COG7: variants seen among roughly 807,000 people sequenced by gnomAD.
COG7 encodes component of oligomeric golgi complex 7, also known as conserved oligomeric Golgi complex subunit 7.
COG7 carries 49 observed loss-of-function variants against 91.5 expected under a neutral mutation model. The ratio of observed to expected loss-of-function variants is 0.54; its 90% confidence interval spans 0.43 to 0.68. COG7 has a LOEUF of 0.68. Among genes scored for constraint, COG7 ranks in the 30% least tolerant of loss-of-function variants. The pLI, the probability that COG7 is intolerant of heterozygous loss-of-function variation, is 0.00. For missense variants in COG7, 895 were observed against 961.3 expected, an observed-to-expected ratio of 0.93 and a Z score of 0.91; for synonymous variants, 365 against 388.7, an observed-to-expected ratio of 0.94 and a Z score of 0.72.
intron 13 of COG7, 21 bp downstream of exon 13, chr16:23,403,673 T>C (rs936906593): frequency 1.1e-5 from 17 of 1,613,670 alleles, no homozygotes; most frequent in East Asian, 2.2e-5. Flanking sequence ...GAAAAATTGA[T>C]GTGGTCAGTG....
At position 23,434,726 on chromosome 16, in the gene COG7, A is replaced by G; in HGVS notation, c.605-8T>C. 4 of 1,595,446 alleles carry G rather than the reference A, an allele frequency of 2.5e-6. No homozygotes were observed. The Middle Eastern group carries it at 5.0e-4, about 199-fold the overall frequency. On this transcript the variant is annotated splice_polypyrimidine_tract_variant and splice_region_variant and intron_variant, in intron 4 of 16. Coordinates refer to ENST00000307149, the MANE Select transcript of COG7 (RefSeq NM_153603.4). ...CAAACACTTTGGACTGATCTAAAGAACATACAATGTATATATACTGTTACC... is the reference window on the plus strand; with the variant it reads ...CAAACACTTTGGACTGATCTAAAGAGCATACAATGTATATATACTGTTACC...
intron 11 of COG7, among the ~76,000 whole-genome samples, chr16:23,408,874 A>G (rs1370031008): frequency 2.6e-5 from 4 of 151,674 alleles, no homozygotes; most frequent in Non-Finnish European, 5.9e-5. Flanking sequence ...CAATAGATAA[A>G]AGATGGGCCT....
At chr16:23,442,116 C>G (rs1449059393) in intron 4 of COG7, among the ~76,000 whole-genome samples, 1 of 151,942 alleles carries the variant, frequency 6.6e-6, no homozygotes, top group Non-Finnish European at 1.5e-5. Context: ...AGGGGATCAC[C>G]TGAGGTCAGG....
chr16:23,405,053 T>G (rs1963437420), intron 12 of COG7, among the ~76,000 whole-genome samples: 1 of 152,166 alleles, frequency 6.6e-6, no homozygotes, highest in African/African-American at 2.4e-5. Context: ...ACGGTCTTCT[T>G]ATGACCCTGG....
chr16:23,402,597 C>A (rs187273168), intron 13 of COG7, among the ~76,000 whole-genome samples: 1 of 152,162 alleles, frequency 6.6e-6, no homozygotes, highest in Non-Finnish European at 1.5e-5. Flanking sequence ...GATGAGGAAA[C>A]GGAGGCTCAC....
chr16:23,425,010 T>TA, intron 6 of COG7, 63 bp from the exon 7 acceptor site: 1 of 1,465,696 alleles, frequency 6.8e-7, no homozygotes. Context: ...CCACCTTTTT[T>TA]AAAAAACTTT....
In COG7 at chr16:23,393,321, G is replaced by A. The variant is rs111414595; in HGVS notation, c.1914C>T (p.Pro638=). The A allele has an allele frequency of 2.0e-5, 33 of 1,613,988 alleles. No individual in the cohort carries two copies. Among genetic ancestry groups the A allele is most frequent in the African/African-American group, 2.7e-5 (2 of 74,920 alleles). The change falls in exon 15 of 17, where the codon CCC becomes CCT. Residue 638 remains proline, a synonymous_variant. Transcript: ENST00000307149. ...GAGTCACAAATGGCTCAAGATTCAG[G>A]GGGAGGGACATGATGTACTGCCCGA... The part of the protein sequence containing the change: ...SNIGQYIMSL[P]LNLEPFVTQE...
chr16:23,393,680 C>T, intron 14 of COG7: 1 of 332,088 alleles, frequency 3.0e-6, no homozygotes, highest in Non-Finnish European at 5.8e-6. Context: ...AGTATTATTA[C>T]TGTTCATAGG....
chr16:23,433,478 C>T (rs747856429), intron 6 of COG7, 67 bp downstream of exon 6: 11 of 1,605,092 alleles, frequency 6.9e-6, no homozygotes, highest in African/African-American at 2.7e-5. Context: ...TGGCCACTCC[C>T]GAGGCAGTCA....
intron 1 of COG7, among the ~76,000 whole-genome samples, chr16:23,447,880 C>G (rs1410037638): frequency 6.6e-6 from 1 of 151,782 alleles, no homozygotes. Context: ...AGCCTGGCAA[C>G]AGAGTGAGAC....
At chr16:23,403,630 ACT>A in intron 13 of COG7, 62 bp downstream of exon 13, 1 of 1,597,920 alleles carries the variant, frequency 6.3e-7, no homozygotes, top group East Asian at 2.2e-5. Flanking sequence ...TTAAGCCCAC[ACT>A]CAGTATGCTT....
At chr16:23,389,600 G>C (rs1963156690) in intron 16 of COG7, among the ~76,000 whole-genome samples, 1 of 152,172 alleles carries the variant, frequency 6.6e-6, no homozygotes, top group African/African-American at 2.4e-5. Context: ...GGAAAACCCA[G>C]AGGGTCAGGA....
chr16:23,412,611 GC>G (rs1236211761), intron 10 of COG7: 2 of 152,338 alleles, frequency 1.3e-5, no homozygotes, highest in Non-Finnish European at 2.9e-5. Flanking sequence ...CTACCTAGTG[GC>G]CCACAGGCCA....
In COG7 at chr16:23,424,297, C is replaced by CAAAAAAAA. The variant is rs398042083; in HGVS notation, c.1009+444_1009+451dup. Reference sequence around the variant, plus strand: ...GGGCAACAAGAGCGAAACTCCATCTCAAAAAAAAAAAAAAAAAAAAAGCCC... The same window carrying CAAAAAAAA: ...GGGCAACAAGAGCGAAACTCCATCTCAAAAAAAAAAAAAAAAAAAAAAAAAAAAAGCCC... On this transcript the variant is annotated intron_variant, in intron 7 of 16. Transcript: ENST00000307149. Among the ~76,000 whole-genome samples the CAAAAAAAA allele has an allele frequency of 6.2e-5, 3 of 48,668 alleles. 1 individual carries two copies. The highest frequency in any genetic ancestry group is 1.2e-4 in the Non-Finnish European group (3 of 25,382). The allele number at this position is 48,668 out of a possible 152,430, so 31.9% of individuals were successfully genotyped here. A position where few individuals can be genotyped will look rare whatever the true frequency, so the allele number is the denominator to read the frequency against.
At chr16:23,428,014 A>G (rs4968001) in intron 6 of COG7, among the ~76,000 whole-genome samples, 12,768 of 152,048 alleles carry the variant, frequency 0.084, 958 homozygotes, top group African/African-American at 0.2. Context: ...TGTCTCTACT[A>G]AAAAATACAA....
At chr16:23,436,602 G>A (rs143732131) in intron 4 of COG7, among the ~76,000 whole-genome samples, 2,824 of 152,126 alleles carry the variant, frequency 0.019, 36 homozygotes, top group Non-Finnish European at 0.029. Flanking sequence ...AGGCGTGGTG[G>A]TGCATGCCTG....
chr16:23,423,346 G>A (rs1169385175), intron 7 of COG7, among the ~76,000 whole-genome samples: 4 of 152,110 alleles, frequency 2.6e-5, no homozygotes, highest in Non-Finnish European at 2.9e-5. Context: ...CAGCCTGGGC[G>A]AGAGTGAGAC....
chr16:23,434,803 T>TA, intron 4 of COG7, 85 bp from the exon 5 acceptor site: 1 of 863,994 alleles, frequency 1.2e-6, no homozygotes, highest in Non-Finnish European at 2.0e-6. Flanking sequence ...AAGGTGGATA[T>TA]ATGGAAGCTA....
rs61110284 is a variant in COG7 at position 23,414,336 on chromosome 16, A to G, written c.1293-772T>C. On this transcript the variant is annotated intron_variant, in intron 9 of 16. Coordinates refer to ENST00000307149, the MANE Select transcript of COG7 (RefSeq NM_153603.4). ...GAGTGAGATCCCATCTCTAAAAAAAACAAAAAAATTAGGCGGGTGTGGTAG... is the reference window on the plus strand; with the variant it reads ...GAGTGAGATCCCATCTCTAAAAAAAGCAAAAAAATTAGGCGGGTGTGGTAG... The G allele has an allele frequency of 1.0e-2, 1,521 of 152,356 alleles. 31 individuals carry two copies. The highest frequency in any genetic ancestry group is 0.034 in the African/African-American group (1,426 of 41,532). The allele number at this position is 152,356 out of a possible 1,614,324, so 9.4% of individuals were successfully genotyped here.
Sources: allele counts gnomAD v4.1 joint callset (sites outside exome capture counted in the v4.1 genomes callset), GRCh38; gene constraint gnomAD v4.1.1; transcripts MANE v1.5; gene names NCBI Gene and HGNC (gene_info 2026-07-23, HGNC 2026-07-21).